The following NAV2 variants were observed in gnomAD, a reference collection of about 807,000 sequenced individuals.
NAV2 encodes helicase, APC down-regulated 1.
Under a neutral mutation model 223.2 loss-of-function variants are expected in NAV2, and 54 were observed. That is an observed-to-expected ratio of 0.24 (90% CI 0.19 to 0.30). The LOEUF is 0.30. Among genes scored for constraint, NAV2 ranks in the 10% least tolerant of loss-of-function variants. The probability of loss-of-function intolerance (pLI) is 1.00; values close to 1 mark genes in which losing one functional copy is unlikely to be tolerated. For missense variants in NAV2, 2,806 were observed against 3,147.5 expected (o/e 0.89, Z 2.60); for synonymous variants, 1,279 against 1,239.3 (o/e 1.03, Z -0.67).
At chr11:19,790,915 A>G (rs990032518) in intron 1 of NAV2, among the ~76,000 whole-genome samples, 2 of 140,952 alleles carry the variant, frequency 1.4e-5, no homozygotes, top group African/African-American at 2.6e-5. Flanking sequence ...TTTTTTTTTT[A>G]TTTGTTAGCA....
At chr11:19,779,192 A>G (rs184480349) in intron 1 of NAV2, among the ~76,000 whole-genome samples, 59 of 152,274 alleles carry the variant, frequency 3.9e-4, no homozygotes, top group African/African-American at 1.4e-3. Flanking sequence ...GGACCACCCA[A>G]GGTAGTTATG....
At chr11:19,665,767 GCA>G (rs1198304126) in intron 1 of NAV2, among the ~76,000 whole-genome samples, 2 of 152,088 alleles carry the variant, frequency 1.3e-5, no homozygotes, top group Admixed American at 1.3e-4. Flanking sequence ...GAAACATTTG[GCA>G]CAGTGTTCTT....
chr11:19,702,872 TG>T (rs2049549984), intron 1 of NAV2, among the ~76,000 whole-genome samples: 1 of 149,608 alleles, frequency 6.7e-6, no homozygotes, highest in Non-Finnish European at 1.5e-5. Context: ...AATATTTATT[TG>T]AAAAAAAAGG....
intron 1 of NAV2, among the ~76,000 whole-genome samples, chr11:19,465,482 A>G (rs1001531125): frequency 1.7e-4 from 26 of 152,276 alleles, no homozygotes; most frequent in African/African-American, 6.0e-4. Context: ...AAATTTAATT[A>G]GTTCAGAGAA....
intron 1 of NAV2, among the ~76,000 whole-genome samples, chr11:19,467,077 G>A (rs1444847866): frequency 6.7e-6 from 1 of 150,320 alleles, no homozygotes; most frequent in African/African-American, 2.5e-5. Context: ...ATATCTATCT[G>A]TAATCCAAAT....
chr11:19,475,499 CT>C (rs2042087493), intron 1 of NAV2, among the ~76,000 whole-genome samples: 1 of 152,174 alleles, frequency 6.6e-6, no homozygotes, highest in African/African-American at 2.4e-5. Context: ...GGACAATGGT[CT>C]ATTTTGTTTG....
At chr11:19,963,652 GATACTTCTCTTTGCCTCGAAAGCA>G (rs1383129707) in intron 10 of NAV2, among the ~76,000 whole-genome samples, 1 of 152,220 alleles carries the variant, frequency 6.6e-6, no homozygotes, top group Non-Finnish European at 1.5e-5. Context: ...GGCAGAGGCA[GATACTTCTCTTTGCCTCGAAAGCA>G]ATATTATGTG....
intron 1 of NAV2, chr11:19,511,479 C>A (rs2043278314): frequency 1.3e-5 from 2 of 152,122 alleles, no homozygotes; most frequent in African/African-American, 4.8e-5. Flanking sequence ...GGGTGATTAA[C>A]TCTTCTAAGA....
intron 1 of NAV2, among the ~76,000 whole-genome samples, chr11:19,668,532 CAAAAAAA>C (rs762975832): frequency 1.5e-5 from 1 of 64,890 alleles, no homozygotes; most frequent in African/African-American, 6.5e-5. Flanking sequence ...GACTCGGTCT[CAAAAAAA>C]AAAAAAAAAA....
intron 1 of NAV2, among the ~76,000 whole-genome samples, chr11:19,394,167 T>C (rs1849358487): frequency 6.6e-6 from 1 of 152,176 alleles, no homozygotes; most frequent in South Asian, 2.1e-4. Context: ...GGAAAGTCAC[T>C]GAGTCTCCTT....
At chr11:19,768,118 T>C (rs2055377316) in intron 1 of NAV2, among the ~76,000 whole-genome samples, 2 of 152,190 alleles carry the variant, frequency 1.3e-5, no homozygotes, top group African/African-American at 4.8e-5. Context: ...ACACATGTGG[T>C]TGGAACTTCT....
intron 1 of NAV2, among the ~76,000 whole-genome samples, chr11:19,799,640 A>G (rs2152762376): frequency 6.6e-6 from 1 of 152,258 alleles, no homozygotes. Context: ...TGAGCTTCAG[A>G]AAGTCTGTCA....
chr11:19,398,796 G>C (rs1295097499), intron 1 of NAV2, among the ~76,000 whole-genome samples: 2 of 152,150 alleles, frequency 1.3e-5, no homozygotes, highest in Non-Finnish European at 2.9e-5. Context: ...TGCCCTGCTG[G>C]GGATCCGGGC....
At chr11:19,455,006 A>C (rs190618117) in intron 1 of NAV2, among the ~76,000 whole-genome samples, 1 of 152,314 alleles carries the variant, frequency 6.6e-6, no homozygotes, top group East Asian at 1.9e-4. Flanking sequence ...CCCAGCCCAG[A>C]TTTACTGAAT....
chr11:19,782,365 TAGTA>T (rs935937551), intron 1 of NAV2, among the ~76,000 whole-genome samples: 5 of 152,220 alleles, frequency 3.3e-5, no homozygotes, highest in African/African-American at 1.2e-4. Context: ...CCTCTGAAAT[TAGTA>T]AGTGACTTCC....
chr11:19,526,622 C>T (rs1448311957), intron 1 of NAV2, among the ~76,000 whole-genome samples: 1 of 152,116 alleles, frequency 6.6e-6, no homozygotes, highest in Non-Finnish European at 1.5e-5. Context: ...TGCTTATTGG[C>T]AGACATTTAA....
chr11:19,418,041 C>A (rs2729919), intron 1 of NAV2, among the ~76,000 whole-genome samples: 106,142 of 151,684 alleles, frequency 0.7, 37,187 homozygotes, highest in Admixed American at 0.73. Flanking sequence ...ATGGGTCCAG[C>A]AAACCATCAT....
At chr11:19,778,064 G>A (rs1565300085) in intron 1 of NAV2, 1 of 434,596 alleles carries the variant, frequency 2.3e-6, no homozygotes, top group Non-Finnish European at 4.7e-6. Flanking sequence ...ACCATCCAGG[G>A]TGCAGGTACT....
At chr11:19,786,338 G>A (rs1427797328) in intron 1 of NAV2, among the ~76,000 whole-genome samples, 2 of 152,166 alleles carry the variant, frequency 1.3e-5, no homozygotes, top group Non-Finnish European at 2.9e-5. Flanking sequence ...TATAGCATCA[G>A]CACTGGGAAG....
Sources: allele counts gnomAD v4.1 joint callset (sites outside exome capture counted in the v4.1 genomes callset), GRCh38; gene constraint gnomAD v4.1.1; transcripts MANE v1.5; gene names NCBI Gene and HGNC (gene_info 2026-07-23, HGNC 2026-07-21).